LIPI: variants seen among roughly 807,000 people sequenced by gnomAD.
LIPI encodes the protein lipase I.
A neutral mutation model predicts 50.6 loss-of-function variants in LIPI; 59 were observed. The observed-to-expected ratio is 1.16, with a 90% CI of 0.94 to 1.45. LIPI has a LOEUF of 1.45. Among genes scored for constraint, LIPI ranks in the 40% most tolerant of loss-of-function variants. The probability of loss-of-function intolerance (pLI) is 0.00; values close to 1 mark genes in which losing one functional copy is unlikely to be tolerated. For missense variants in LIPI, 586 were observed against 536.3 expected, an observed-to-expected ratio of 1.09 and a Z score of -0.92; for synonymous variants, 203 against 178.2, an observed-to-expected ratio of 1.14 and a Z score of -1.11.
chr21:14,200,228 C>T (rs1418551464), intron 1 of LIPI, among the ~76,000 whole-genome samples: 1 of 152,002 alleles, frequency 6.6e-6, no homozygotes, highest in Non-Finnish European at 1.5e-5. Flanking sequence ...TCCTGTTCAA[C>T]ATAGTATTGG....
intron 1 of LIPI, among the ~76,000 whole-genome samples, chr21:14,194,798 G>A (rs1600927766): frequency 6.6e-6 from 1 of 152,128 alleles, no homozygotes; most frequent in Admixed American, 6.6e-5. Context: ...ACTTAAAAAT[G>A]GCTAAAATAA....
chr21:14,158,730 A>G (rs2018360148), intron 7 of LIPI, among the ~76,000 whole-genome samples: 1 of 150,674 alleles, frequency 6.6e-6, no homozygotes, highest in South Asian at 2.1e-4. Context: ...AAAACCAATA[A>G]AATCGATAAA....
intron 9 of LIPI, among the ~76,000 whole-genome samples, chr21:14,117,808 G>C (rs1018673099): frequency 6.6e-6 from 1 of 152,098 alleles, no homozygotes; most frequent in Non-Finnish European, 1.5e-5. Context: ...GCTTATCCAG[G>C]TGGCAACCAA....
intron 3 of LIPI, among the ~76,000 whole-genome samples, chr21:14,182,727 T>C (rs575510923): frequency 6.6e-6 from 1 of 151,182 alleles, no homozygotes; most frequent in East Asian, 1.9e-4. Context: ...TACAAACAAA[T>C]GGCATTCACA....
chr21:14,166,476 C>G lies in LIPI; in HGVS notation c.644-25G>C, dbSNP rs985540292. On this transcript the variant is annotated intron_variant, in intron 4 of 9. Coordinates refer to ENST00000681601, the MANE Select transcript of LIPI (RefSeq NM_001302998.2). ...CCTGAGAAGAAAGGCACCCAAGAAT[C>G]ACAACATGTATATAATCAGGTGAGT... 2.1e-5 allele frequency: 25 copies of G among 1,203,508 alleles called. No homozygotes were observed. The South Asian group carries it at 2.9e-4, about 14-fold the overall frequency. 74.6% of individuals were successfully genotyped at this position (1,203,508 alleles called of 1,614,324 possible).
intron 9 of LIPI, among the ~76,000 whole-genome samples, chr21:14,139,833 T>C (rs1370309963): frequency 6.6e-6 from 1 of 152,064 alleles, no homozygotes; most frequent in Non-Finnish European, 1.5e-5. Context: ...AGAGGGAACA[T>C]CCAGTACAAA....
Position 14,165,279 on chromosome 21 carries a change from T to C in LIPI, c.845A>G (p.Lys282Arg), listed in dbSNP as rs2018637592. Residue 282 changes from lysine to arginine, a missense_variant, in exon 6 of 10, where the codon AAG (lysine) becomes AGG (arginine). Lys to Arg is a conservative substitution (Grantham distance 26). Coordinates refer to ENST00000681601, the MANE Select transcript of LIPI (RefSeq NM_001302998.2). ...GTCACAGTCCACACATAAGCTAGTC[T>C]TGTAATCTTTGTATGAACGACAAGG... ...SFPCRSYKDY[K>R]TSLCVDCDCF... 12 of 1,612,854 alleles carry C rather than the reference T, an allele frequency of 7.4e-6. No individual in the cohort carries two copies. Among genetic ancestry groups the C allele is most frequent in the South Asian group, 1.1e-5 (1 of 91,046 alleles).
chr21:14,199,580 A>C (rs1474298967), intron 1 of LIPI, among the ~76,000 whole-genome samples: 1 of 151,658 alleles, frequency 6.6e-6, no homozygotes, highest in African/African-American at 2.4e-5. Context: ...TGAGCTCTGA[A>C]ATTTAGGAAT....
intron 9 of LIPI, among the ~76,000 whole-genome samples, chr21:14,114,328 C>G (rs2044502980): frequency 6.6e-6 from 1 of 152,114 alleles, no homozygotes; most frequent in South Asian, 2.1e-4. Context: ...CAGACCCACC[C>G]AAAATGGCTA....
At position 14,144,707 on chromosome 21, in the gene LIPI, T is replaced by C. The variant is rs1235635292; in HGVS notation, c.1211A>G (p.Tyr404Cys). The C allele has an allele frequency of 2.5e-6, 4 of 1,575,980 alleles. No homozygotes were observed. The East Asian group carries it at 9.0e-5, about 35-fold the overall frequency. Reference protein sequence around the residue: ...FVNISSIGLTYFQSSNLQCST... With the variant: ...FVNISSIGLTCFQSSNLQCST... Reference sequence around the variant, plus strand: ...ACACTGCAGATTTGAGCTCTGGAAATATGTCAAACCAATGCTTGAAATATT... The same window carrying C: ...ACACTGCAGATTTGAGCTCTGGAAACATGTCAAACCAATGCTTGAAATATT... Residue 404 changes from tyrosine (Y) to cysteine (C), a missense_variant, in exon 9 of 10, where the codon TAT (tyrosine) becomes TGT (cysteine). Transcript: ENST00000681601.
intron 9 of LIPI, among the ~76,000 whole-genome samples, chr21:14,115,358 AG>A (rs753575959): frequency 5.3e-5 from 8 of 152,200 alleles, no homozygotes; most frequent in African/African-American, 9.7e-5. Context: ...TTCTGTAAGT[AG>A]GCTTCCTGCA....
At chr21:14,118,203 T>C (rs917380298) in intron 9 of LIPI, among the ~76,000 whole-genome samples, 1 of 152,078 alleles carries the variant, frequency 6.6e-6, no homozygotes, top group Admixed American at 6.6e-5. Context: ...AGCCAATGAC[T>C]ACCTTGAAGA....
intron 8 of LIPI, among the ~76,000 whole-genome samples, chr21:14,150,850 C>A (rs1281000380): frequency 6.6e-6 from 1 of 152,088 alleles, no homozygotes; most frequent in African/African-American, 2.4e-5. Flanking sequence ...TTTCTTTTAT[C>A]TTCTTTGGGT....
At chr21:14,172,752 A>G (rs902055883) in intron 4 of LIPI, among the ~76,000 whole-genome samples, 11 of 151,992 alleles carry the variant, frequency 7.2e-5, no homozygotes, top group Non-Finnish European at 1.3e-4. Flanking sequence ...GCACTAGGAG[A>G]TATACCTAAT....
chr21:14,158,763 C>T (rs2018361500), intron 7 of LIPI, among the ~76,000 whole-genome samples: 1 of 149,302 alleles, frequency 6.7e-6, no homozygotes, highest in Non-Finnish European at 1.5e-5. Context: ...GCAAGACAGA[C>T]AAAATAAAAA....
intron 4 of LIPI, among the ~76,000 whole-genome samples, chr21:14,167,075 C>A (rs913657045): frequency 1.3e-5 from 2 of 152,194 alleles, no homozygotes; most frequent in Non-Finnish European, 2.9e-5. Flanking sequence ...ACACATGGCT[C>A]GGAGGGTCCT....
intron 1 of LIPI, among the ~76,000 whole-genome samples, chr21:14,209,601 T>C (rs2020313209): frequency 6.6e-6 from 1 of 152,160 alleles, no homozygotes; most frequent in Admixed American, 6.5e-5. Flanking sequence ...TACTATTGTA[T>C]TTTAATCATC....
At chr21:14,151,081 T>C (rs1412008272) in intron 8 of LIPI, among the ~76,000 whole-genome samples, 2 of 152,180 alleles carry the variant, frequency 1.3e-5, no homozygotes, top group African/African-American at 2.4e-5. Context: ...CATCCCTTGA[T>C]GGAATGGTTT....
intron 5 of LIPI, 78 bp from the exon 6 acceptor site, chr21:14,165,468 T>G: frequency 9.1e-7 from 1 of 1,104,380 alleles, no homozygotes; most frequent in Non-Finnish European, 1.3e-6. Context: ...AAAGTAAAGA[T>G]GAAGTTTTGC....
Sources: allele counts gnomAD v4.1 joint callset (sites outside exome capture counted in the v4.1 genomes callset), GRCh38; gene constraint gnomAD v4.1.1; transcripts MANE v1.5; gene names NCBI Gene and HGNC (gene_info 2026-07-23, HGNC 2026-07-21).